Variants in ATP8A2 observed in about 807,000 individuals in gnomAD.
ATP8A2 encodes the protein phospholipid-transporting ATPase IB.
Under a neutral mutation model 165.6 loss-of-function variants are expected in ATP8A2, and 100 were observed. The ratio of observed to expected loss-of-function variants is 0.60; its 90% CI spans 0.51 to 0.71. The LOEUF (loss-of-function observed/expected upper bound fraction) is 0.71, where lower values mean the gene tolerates loss of function less well. Ranked by LOEUF, ATP8A2 falls within the 30% of genes least tolerant of loss-of-function variation. The pLI is 0.00. For synonymous variants in ATP8A2, 543 were observed against 548.8 expected, an observed-to-expected ratio of 0.99 and a Z score of 0.15; for missense variants, 1,227 against 1,479.5, an observed-to-expected ratio of 0.83 and a Z score of 2.80.
chr13:25,796,446 C>T (rs887454068), intron 27 of ATP8A2, among the ~76,000 whole-genome samples: 1 of 152,068 alleles, frequency 6.6e-6, no homozygotes, highest in Non-Finnish European at 1.5e-5. Context: ...GCATAGGGGC[C>T]GTGAGTACTG....
intron 27 of ATP8A2, among the ~76,000 whole-genome samples, chr13:25,800,660 A>C (rs1950603993): frequency 6.6e-6 from 1 of 152,136 alleles, no homozygotes; most frequent in Admixed American, 6.5e-5. Flanking sequence ...CAAGAAGTAC[A>C]TATGTCTCCA....
At chr13:25,931,501 T>C (rs1420764223) in intron 33 of ATP8A2, among the ~76,000 whole-genome samples, 1 of 152,146 alleles carries the variant, frequency 6.6e-6, no homozygotes, top group Non-Finnish European at 1.5e-5. Flanking sequence ...CTGTGCCCCA[T>C]GGGCTCTGGT....
chr13:25,492,765 G>C (rs1340489412), intron 2 of ATP8A2, among the ~76,000 whole-genome samples: 1 of 152,224 alleles, frequency 6.6e-6, no homozygotes, highest in African/African-American at 2.4e-5. Flanking sequence ...GGTGGGGAAA[G>C]TGTTTCCATT....
intron 10 of ATP8A2, among the ~76,000 whole-genome samples, chr13:25,547,343 C>T (rs1359937901): frequency 6.6e-6 from 1 of 151,788 alleles, no homozygotes; most frequent in African/African-American, 2.4e-5. Flanking sequence ...AGCAGCTCCC[C>T]ATCCCTCACA....
chr13:25,748,070 GA>G (rs2044072888), intron 25 of ATP8A2, among the ~76,000 whole-genome samples: 1 of 152,066 alleles, frequency 6.6e-6, no homozygotes, highest in African/African-American at 2.4e-5. Flanking sequence ...TCCAATTTGA[GA>G]AAAAAATTAC....
At chr13:25,380,212 G>A (rs2032788494) in intron 1 of ATP8A2, among the ~76,000 whole-genome samples, 1 of 152,180 alleles carries the variant, frequency 6.6e-6, no homozygotes, top group Non-Finnish European at 1.5e-5. Context: ...CCAGGGAGAT[G>A]AGAGATGAGG....
At position 25,769,231 on chromosome 13, in the gene ATP8A2, T is replaced by A; in HGVS notation, c.2568+2T>A. 6.2e-7 allele frequency: 1 copy of A among 1,604,412 alleles called. No homozygotes were observed. The highest frequency in any genetic ancestry group is 8.5e-7 in the Non-Finnish European group (1 of 1,172,432). ...AACTCGGATTACGCCATCGCACAGG[T>A]CAGCAGCTTGGGCGTCCAGCTGCCC... is the stretch of plus-strand genomic sequence containing the variant. On this transcript the variant is annotated splice_donor_variant, in intron 26 of 36. Transcript: ENST00000381655. LOFTEE classifies it high-confidence loss of function.
chr13:25,412,396 C>G (rs1379823265), intron 1 of ATP8A2, among the ~76,000 whole-genome samples: 1 of 152,152 alleles, frequency 6.6e-6, no homozygotes, highest in Non-Finnish European at 1.5e-5. Flanking sequence ...GATTTATCTT[C>G]CAAGCAATAA....
chr13:25,951,295 C>T (rs9581494), intron 33 of ATP8A2, among the ~76,000 whole-genome samples: 8,947 of 152,248 alleles, frequency 0.059, 547 homozygotes, highest in African/African-American at 0.15. Flanking sequence ...CAATGGAATA[C>T]GATTCCAAAA....
At chr13:25,711,778 C>A (rs936443909) in intron 25 of ATP8A2, among the ~76,000 whole-genome samples, 7 of 152,094 alleles carry the variant, frequency 4.6e-5, no homozygotes, top group African/African-American at 1.7e-4. Context: ...GATTTATAGT[C>A]ATTTAAGAGT....
At chr13:25,893,201 TC>T (rs1953432708) in intron 33 of ATP8A2, among the ~76,000 whole-genome samples, 1 of 51,104 alleles carries the variant, frequency 2.0e-5, no homozygotes, top group Non-Finnish European at 3.6e-5. Flanking sequence ...CCCTCCCCCC[TC>T]CCCCCACCCC....
rs1298340091 is a variant in ATP8A2 at position 25,372,676 on chromosome 13, G to C, written c.76+388G>C. On this transcript the variant is annotated intron_variant, in intron 1 of 36. Coordinates refer to ENST00000381655, the MANE Select transcript of ATP8A2 (RefSeq NM_016529.6). This position sits in a 1 kb window ranked among gnomAD's most constrained non-coding sequence, Gnocchi z 4.8. The stretch of plus-strand genomic sequence containing the variant: ...GGGCACGGTTTGGCGGCGCAGAGAA[G>C]ATGCAGCCTTCCCTGCCGGCGGCCG... Among the ~76,000 whole-genome samples the C allele has an allele frequency of 6.6e-6, 1 of 152,236 alleles. No individual in the cohort carries two copies. The highest frequency in any genetic ancestry group is 1.5e-5 in the Non-Finnish European group (1 of 68,032).
intron 16 of ATP8A2, among the ~76,000 whole-genome samples, chr13:25,567,879 T>G (rs1176808646): frequency 6.6e-6 from 1 of 152,206 alleles, no homozygotes; most frequent in Non-Finnish European, 1.5e-5. Context: ...TTTTAAGCAG[T>G]TTAAACACAG....
chr13:25,818,314 A>G (rs1349261638), intron 27 of ATP8A2, among the ~76,000 whole-genome samples: 1 of 152,212 alleles, frequency 6.6e-6, no homozygotes, highest in Non-Finnish European at 1.5e-5. Flanking sequence ...TTATGTGCTT[A>G]TAGTTGTTAA....
chr13:25,430,743 G>A (rs668572), intron 1 of ATP8A2, among the ~76,000 whole-genome samples: 4,803 of 151,766 alleles, frequency 0.032, 254 homozygotes, highest in African/African-American at 0.11. Context: ...GATTACAGGC[G>A]CCCACCACCA....
intron 33 of ATP8A2, among the ~76,000 whole-genome samples, chr13:25,873,073 A>G (rs1260645383): frequency 2.0e-5 from 3 of 152,072 alleles, no homozygotes; most frequent in Non-Finnish European, 2.9e-5. Flanking sequence ...TCACTCCCCA[A>G]CGCTAAATTT....
intron 33 of ATP8A2, among the ~76,000 whole-genome samples, chr13:25,915,345 TTGC>T (rs1954240474): frequency 6.6e-6 from 1 of 152,206 alleles, no homozygotes; most frequent in African/African-American, 2.4e-5. Flanking sequence ...AAGGAATTCA[TTGC>T]AGATGTCATA....
At chr13:25,531,897 C>T (rs189745742) in intron 4 of ATP8A2, among the ~76,000 whole-genome samples, 7 of 152,252 alleles carry the variant, frequency 4.6e-5, no homozygotes, top group East Asian at 3.9e-4. Flanking sequence ...CTTCTAGTCC[C>T]GAGCATGTCA....
At chr13:26,004,314 T>C (rs1243246450) in intron 35 of ATP8A2, among the ~76,000 whole-genome samples, 1 of 152,100 alleles carries the variant, frequency 6.6e-6, no homozygotes, top group Non-Finnish European at 1.5e-5. Context: ...TTTTGGATAG[T>C]TCATTATTAA....
Sources: allele counts gnomAD v4.1 joint callset (sites outside exome capture counted in the v4.1 genomes callset), GRCh38; gene constraint gnomAD v4.1.1; non-coding constraint Gnocchi (gnomAD v3.1); transcripts MANE v1.5; gene names NCBI Gene and HGNC (gene_info 2026-07-23, HGNC 2026-07-21).